The following BFSP2 variants were observed in gnomAD, a reference collection of about 807,000 sequenced individuals.
BFSP2 encodes the protein beaded filament structural protein 2, also known as phakinin.
A neutral mutation model predicts 44.9 loss-of-function variants in BFSP2; 38 were observed. That is an observed-to-expected ratio of 0.85 (90% CI 0.65 to 1.11). The LOEUF is 1.11. Among genes scored for constraint, BFSP2 ranks in the 50% least tolerant of loss-of-function variants. BFSP2 has a pLI of 0.00. For synonymous variants in BFSP2, 197 were observed against 209.9 expected, an observed-to-expected ratio of 0.94 and a Z score of 0.53; for missense variants, 525 against 533.0, an observed-to-expected ratio of 0.99 and a Z score of 0.15.
intron 6 of BFSP2, among the ~76,000 whole-genome samples, chr3:133,474,556 T>C (rs111260259): frequency 0.013 from 1,971 of 152,312 alleles, 37 homozygotes; most frequent in African/African-American, 0.041. Flanking sequence ...CCTAACAAAG[T>C]ATTTTTTTTT....
chr3:133,401,261 AT>A (rs903233275), intron 1 of BFSP2, among the ~76,000 whole-genome samples: 4 of 152,250 alleles, frequency 2.6e-5, no homozygotes, highest in Non-Finnish European at 5.9e-5. Flanking sequence ...GGTAATTTAC[AT>A]TCAAGTAGAG....
chr3:133,454,058 G>T (rs1406939562), intron 4 of BFSP2, among the ~76,000 whole-genome samples: 1 of 152,162 alleles, frequency 6.6e-6, no homozygotes, highest in Non-Finnish European at 1.5e-5. Context: ...TTGTCTATTT[G>T]TTGTGGTTAC....
At chr3:133,403,432 C>T (rs979742920) in intron 1 of BFSP2, among the ~76,000 whole-genome samples, 3 of 152,138 alleles carry the variant, frequency 2.0e-5, no homozygotes, top group African/African-American at 7.2e-5. Context: ...CTCCTCAGGG[C>T]CCATGCAGGG....
intron 1 of BFSP2, among the ~76,000 whole-genome samples, chr3:133,431,355 C>G (rs961914580): frequency 6.6e-6 from 1 of 152,268 alleles, no homozygotes; most frequent in Admixed American, 6.5e-5. Flanking sequence ...ACACCTGAAC[C>G]GCAGCAGCCA....
intron 1 of BFSP2, chr3:133,404,713 A>G (rs570914025): frequency 1.3e-5 from 2 of 152,338 alleles, no homozygotes; most frequent in East Asian, 3.9e-4. Context: ...AGTAACTTAA[A>G]TCGCACTTTG....
intron 4 of BFSP2, among the ~76,000 whole-genome samples, chr3:133,462,061 C>G (rs2074068985): frequency 2.8e-5 from 1 of 36,220 alleles, no homozygotes; most frequent in African/African-American, 7.2e-5. Context: ...TTCCATGGAC[C>G]AGGCAGGCAT....
rs184873358 is a variant in BFSP2, at chr3:133,433,079, T to C, written c.490-14238T>C. On this transcript the variant is annotated intron_variant, in intron 1 of 6. Transcript: ENST00000302334. ...CTTTCTGCTCCCCGGCACCTTCAGC[T>C]GTACTCACTCTTTGTTAAGTCCCAC... Among the ~76,000 whole-genome samples the C allele has an allele frequency of 5.2e-5, 8 of 152,384 alleles. No individual in the cohort carries two copies. In the South Asian group the frequency reaches 1.0e-3, roughly 20 times the overall value.
At chr3:133,459,748 G>A (rs998067480) in intron 4 of BFSP2, among the ~76,000 whole-genome samples, 1 of 152,220 alleles carries the variant, frequency 6.6e-6, no homozygotes, top group Non-Finnish European at 1.5e-5. Context: ...GGTCGGGAGT[G>A]TGTGCTGCCT....
rs895462377 is a variant in BFSP2 at position 133,408,084 on chromosome 3, T to C, written c.489+7512T>C. ...TATCACCATAAGCAAAATTAAAAGA[T>C]AAATGACAAACTAGAAAAAAAAATG... On this transcript the variant is annotated intron_variant, in intron 1 of 6. Transcript: ENST00000302334. 9.9e-5 allele frequency among the ~76,000 whole-genome samples: 15 copies of C among 151,578 alleles called. 1 individual carries two copies. The highest frequency in any genetic ancestry group is 2.9e-4 in the African/African-American group (12 of 41,196).
chr3:133,442,824 G>A (rs1368084007), intron 1 of BFSP2, among the ~76,000 whole-genome samples: 3 of 151,736 alleles, frequency 2.0e-5, no homozygotes, highest in Non-Finnish European at 2.9e-5. Flanking sequence ...AGGGGTGGTG[G>A]GGAAAGGGAA....
chr3:133,466,765 G>A (rs1290066310), intron 4 of BFSP2, 63 bp from the exon 5 acceptor site: 1 of 1,565,360 alleles, frequency 6.4e-7, no homozygotes, highest in Admixed American at 1.7e-5. Flanking sequence ...GAAAGGCTGG[G>A]AAGGAAGGAT....
intron 4 of BFSP2, among the ~76,000 whole-genome samples, chr3:133,461,763 G>A (rs1431877267): frequency 1.3e-5 from 2 of 152,240 alleles, no homozygotes; most frequent in Non-Finnish European, 2.9e-5. Flanking sequence ...AAGGAACACA[G>A]TGACATTAAA....
chr3:133,415,541 TTC>T (rs2073514936), intron 1 of BFSP2, among the ~76,000 whole-genome samples: 1 of 93,558 alleles, frequency 1.1e-5, no homozygotes, highest in Admixed American at 1.1e-4. Flanking sequence ...CTCAGCCATG[TTC>T]TCTCCCCTCT....
At chr3:133,446,803 C>T (rs545925818) in intron 1 of BFSP2, among the ~76,000 whole-genome samples, 10 of 150,840 alleles carry the variant, frequency 6.6e-5, no homozygotes, top group African/African-American at 2.2e-4. Flanking sequence ...TTGGGGGAGA[C>T]GAAACTCTAG....
At chr3:133,434,647 A>G (rs58615798) in intron 1 of BFSP2, among the ~76,000 whole-genome samples, 30,804 of 151,974 alleles carry the variant, frequency 0.2, 3,711 homozygotes, top group East Asian at 0.36. Context: ...GCCCTGCCCC[A>G]CCTTAACTGA....
intron 1 of BFSP2, among the ~76,000 whole-genome samples, chr3:133,415,351 T>TCTACTCACCCCTGTCCTCTCCCCC (rs778560398): frequency 3.8e-5 from 1 of 25,976 alleles, no homozygotes; most frequent in Non-Finnish European, 6.6e-5. Context: ...TCCTCTCCCC[T>TCTACTCACCCCTGTCCTCTCCCCC]CTACTCACCC....
At chr3:133,402,643 C>CT (rs1316696114) in intron 1 of BFSP2, among the ~76,000 whole-genome samples, 10,180 of 140,438 alleles carry the variant, frequency 0.072, 542 homozygotes, top group African/African-American at 0.14. Context: ...GTTATTATTT[C>CT]TTTTTTTTTT....
intron 6 of BFSP2, among the ~76,000 whole-genome samples, 174 bp downstream of exon 6, chr3:133,472,739 TAATA>T (rs1233098617): frequency 6.6e-6 from 1 of 152,214 alleles, no homozygotes; most frequent in Non-Finnish European, 1.5e-5. Context: ...CACATACAAA[TAATA>T]TATATAATAT....
chr3:133,447,366 C>T lies in BFSP2; in HGVS notation c.539C>T (p.Thr180Ile). The T allele has an allele frequency of 2.5e-6, 4 of 1,614,060 alleles. No homozygotes were observed. Among genetic ancestry groups the T allele is most frequent in the Non-Finnish European group, 3.4e-6 (4 of 1,180,006 alleles). The change falls in exon 2 of 7, where the codon ACT (threonine) becomes ATT (isoleucine). Residue 180 changes from threonine to isoleucine, a missense_variant. Coordinates refer to ENST00000302334, the MANE Select transcript of BFSP2 (RefSeq NM_003571.4). Reference sequence around the variant, plus strand: ...GCCCGGCTCATGCTGCAGACAGAAACTATCCAGGCCGGAGCAGATGACTTT... The same window carrying T: ...GCCCGGCTCATGCTGCAGACAGAAATTATCCAGGCCGGAGCAGATGACTTT... ...ENARLMLQTE[T>I]IQAGADDFKE...
Sources: gnomAD v4.1 joint callset for allele counts (sites outside exome capture counted in the v4.1 genomes callset) on GRCh38, gnomAD v4.1.1 for gene constraint, MANE v1.5 for transcripts, NCBI Gene and HGNC (gene_info 2026-07-23, HGNC 2026-07-21) for gene names.